FOXP2: variants seen among roughly 807,000 people sequenced by gnomAD.
The protein encoded by FOXP2 is forkhead box P2, also known as forkhead box protein P2.
Under a neutral mutation model 115.8 loss-of-function variants are expected in FOXP2, and 12 were observed. That is an observed-to-expected ratio of 0.10 (90% CI 0.07 to 0.17). The LOEUF is 0.17. FOXP2 is among the 10% of genes least tolerant of loss of function. The pLI, the probability that FOXP2 is intolerant of heterozygous loss-of-function variation, is 1.00. For missense variants in FOXP2, 629 were observed against 843.5 expected (o/e 0.75, Z 3.15); for synonymous variants, 328 against 297.7 (o/e 1.10, Z -1.05).
intron 2 of FOXP2, among the ~76,000 whole-genome samples, chr7:114,467,196 G>A (rs1227863088): frequency 6.6e-6 from 1 of 152,070 alleles, no homozygotes; most frequent in African/African-American, 2.4e-5. Context: ...TTTTTTGGTT[G>A]CTTGTGTTTC....
chr7:114,313,640 G>A (rs1797200179), intron 2 of FOXP2, among the ~76,000 whole-genome samples: 1 of 99,298 alleles, frequency 1.0e-5, no homozygotes, highest in Admixed American at 8.3e-5. Flanking sequence ...AGCTACTTGG[G>A]AGGCTGAGGC....
intron 1 of FOXP2, among the ~76,000 whole-genome samples, chr7:114,273,596 A>G (rs1288783646): frequency 6.6e-6 from 1 of 151,958 alleles, no homozygotes; most frequent in African/African-American, 2.4e-5. Context: ...TTGCCAATTT[A>G]TCAATTTCCA....
Position 114,500,249 on chromosome 7 carries a change from A to G in FOXP2, c.169-34368A>G, listed in dbSNP as rs117192771. 1.1e-3 allele frequency among the ~76,000 whole-genome samples: 174 copies of G among 151,726 alleles called. 3 individuals are homozygous for G. In the East Asian group the frequency reaches 0.031, roughly 27 times the overall value. On this transcript the variant is annotated intron_variant, in intron 2 of 16. Transcript: ENST00000350908. ...AAAAAAAAAAAAGAATGTAACGTCA[A>G]TAAAGATACTCTTGTCAAAATGAGA...
chr7:114,277,383 G>T (rs1243430203), intron 1 of FOXP2, among the ~76,000 whole-genome samples: 1 of 152,032 alleles, frequency 6.6e-6, no homozygotes, highest in African/African-American at 2.4e-5. Flanking sequence ...CGTCGTTTCA[G>T]GGATATGCCT....
At chr7:114,176,298 T>TTCTCTCTCTCTCTCTCTCTC (rs1554426487) in intron 1 of FOXP2, among the ~76,000 whole-genome samples, 13 of 76,574 alleles carry the variant, frequency 1.7e-4, no homozygotes, top group African/African-American at 6.5e-4. Context: ...CTTTCTTTCT[T>TTCTCTCTCTCTCTCTCTCTC]TCTCTCTCTC....
At chr7:114,431,178 T>C (rs1024591323) in intron 2 of FOXP2, among the ~76,000 whole-genome samples, 2 of 151,920 alleles carry the variant, frequency 1.3e-5, no homozygotes, top group African/African-American at 4.8e-5. Context: ...TGAGGTCGAA[T>C]GGTTGTTACA....
At chr7:114,311,817 T>A (rs1797152349) in intron 2 of FOXP2, among the ~76,000 whole-genome samples, 1 of 152,186 alleles carries the variant, frequency 6.6e-6, no homozygotes, top group African/African-American at 2.4e-5. Context: ...ATTGTTAACC[T>A]TTTGCAATGG....
Position 114,362,106 on chromosome 7 carries a change from TAAAG to T in FOXP2, c.-10-64390_-10-64387del, listed in dbSNP as rs201675914. ...GGGTAAGGAGTGGAACAGTAGTGTT[TAAAG>T]AAAGAGACAAATGTAAAAAATACAA... On this transcript the variant is annotated intron_variant, in intron 2 of 17. Coordinates refer to the FOXP2 transcript ENST00000634411. Among the ~76,000 whole-genome samples, 424 of 152,058 alleles carry T rather than the reference TAAAG, an allele frequency of 2.8e-3. 3 individuals carry two copies. Among genetic ancestry groups the T allele is most frequent in the African/African-American group, 9.8e-3 (409 of 41,542 alleles).
intron 15 of FOXP2, 34 bp downstream of exon 15, chr7:114,663,553 T>A: frequency 6.7e-7 from 1 of 1,496,926 alleles, no homozygotes; most frequent in Non-Finnish European, 9.2e-7. Context: ...TGTATTTGAA[T>A]GTTTAGGGCT....
chr7:114,603,162 T>C (rs1023437749), intron 3 of FOXP2, among the ~76,000 whole-genome samples: 1 of 152,138 alleles, frequency 6.6e-6, no homozygotes, highest in Non-Finnish European at 1.5e-5. Flanking sequence ...GAGCAACTGG[T>C]ATAATATGAG....
At chr7:114,186,332 T>A (rs1174059126) in intron 1 of FOXP2, among the ~76,000 whole-genome samples, 1 of 152,090 alleles carries the variant, frequency 6.6e-6, no homozygotes, top group Non-Finnish European at 1.5e-5. Context: ...TGAGGCAAAT[T>A]TCCCTCTTGG....
chr7:114,218,390 T>G (rs918399141), intron 1 of FOXP2, among the ~76,000 whole-genome samples: 5 of 152,142 alleles, frequency 3.3e-5, no homozygotes, highest in African/African-American at 9.7e-5. Flanking sequence ...AAAATTATTC[T>G]TTGCACTACA....
intron 1 of FOXP2, among the ~76,000 whole-genome samples, chr7:114,137,946 GA>G (rs918365806): frequency 6.6e-6 from 1 of 151,454 alleles, no homozygotes; most frequent in Admixed American, 6.6e-5. Flanking sequence ...TCTCTAATTT[GA>G]AAAAAAACAG....
At chr7:114,591,755 A>G (rs1224391013) in intron 3 of FOXP2, among the ~76,000 whole-genome samples, 1 of 152,070 alleles carries the variant, frequency 6.6e-6, no homozygotes, top group Non-Finnish European at 1.5e-5. Context: ...GTTTGCTGAT[A>G]AGGATTTTTT....
chr7:114,322,511 A>G (rs1797450762), intron 2 of FOXP2, among the ~76,000 whole-genome samples: 1 of 152,026 alleles, frequency 6.6e-6, no homozygotes, highest in African/African-American at 2.4e-5. Flanking sequence ...CTTACATTTA[A>G]TTTTCCCCTG....
chr7:114,615,255 T>C (rs949577070), intron 3 of FOXP2, among the ~76,000 whole-genome samples: 18 of 152,110 alleles, frequency 1.2e-4, no homozygotes, highest in African/African-American at 4.1e-4. Flanking sequence ...TTTCTTCTAA[T>C]CCACATACCC....
intron 6 of FOXP2, among the ~76,000 whole-genome samples, chr7:114,639,425 A>G (rs1327334377): frequency 1.3e-5 from 2 of 152,062 alleles, no homozygotes; most frequent in African/African-American, 4.8e-5. Flanking sequence ...AGAAATTCCT[A>G]CTCTTATAAA....
chr7:114,438,753 G>C (rs761382050), intron 2 of FOXP2, among the ~76,000 whole-genome samples: 1 of 152,106 alleles, frequency 6.6e-6, no homozygotes, highest in African/African-American at 2.4e-5. Flanking sequence ...ATGAATTTAC[G>C]TGTTGGTTTC....
chr7:114,372,018 T>C (rs73716393), intron 2 of FOXP2, among the ~76,000 whole-genome samples: 4,949 of 152,306 alleles, frequency 0.032, 223 homozygotes, highest in African/African-American at 0.11. Flanking sequence ...GTATTTACTA[T>C]GTATCATATA....
Sources: gnomAD v4.1 joint callset for allele counts (sites outside exome capture counted in the v4.1 genomes callset) on GRCh38, gnomAD v4.1.1 for gene constraint, MANE v1.5 for transcripts, NCBI Gene and HGNC (gene_info 2026-07-23, HGNC 2026-07-21) for gene names.